The following ANO2 variants were observed in gnomAD, a reference collection of about 807,000 sequenced individuals.
ANO2 encodes the protein anoctamin 2.
ANO2 carries 101 observed loss-of-function variants against 124.2 expected under a neutral mutation model. The ratio of observed to expected loss-of-function variants is 0.81; its 90% CI spans 0.69 to 0.96. ANO2 has a LOEUF of 0.96. Ranked by LOEUF, ANO2 falls within the 40% of genes least tolerant of loss-of-function variation. The pLI is 0.00. For synonymous variants in ANO2, 486 were observed against 482.5 expected (o/e 1.01, Z -0.09); for missense variants, 1,293 against 1,274.5 (o/e 1.01, Z -0.22).
chr12:5,677,484 A>C (rs961947247), intron 14 of ANO2, among the ~76,000 whole-genome samples: 1 of 152,196 alleles, frequency 6.6e-6, no homozygotes, highest in Non-Finnish European at 1.5e-5. Context: ...GGAAGAAACA[A>C]ACTTGCAGAA....
chr12:5,631,780 C>CTGAGTGG (rs1489848142), intron 16 of ANO2, among the ~76,000 whole-genome samples: 1 of 152,108 alleles, frequency 6.6e-6, no homozygotes, highest in Non-Finnish European at 1.5e-5. Flanking sequence ...TGACCATGAG[C>CTGAGTGG]TGAGTGGGTC....
intron 14 of ANO2, among the ~76,000 whole-genome samples, chr12:5,650,426 G>A (rs567710279): frequency 4.7e-4 from 72 of 152,118 alleles, no homozygotes; most frequent in South Asian, 4.4e-3. Context: ...TCTTTTTTCT[G>A]GAAGTCACAG....
intron 14 of ANO2, among the ~76,000 whole-genome samples, chr12:5,695,304 G>A (rs986624637): frequency 3.0e-5 from 4 of 133,384 alleles, no homozygotes; most frequent in African/African-American, 5.5e-5. Flanking sequence ...GATATGGAAC[G>A]ACTGACTCAC....
chr12:5,682,066 G>GA (rs901069543), intron 14 of ANO2, among the ~76,000 whole-genome samples: 2 of 152,074 alleles, frequency 1.3e-5, no homozygotes, highest in Admixed American at 6.5e-5. Flanking sequence ...AAGGAAGAAG[G>GA]AAAAAAATGA....
At chr12:5,621,434 C>G (rs1350304169) in intron 16 of ANO2, among the ~76,000 whole-genome samples, 1 of 152,064 alleles carries the variant, frequency 6.6e-6, no homozygotes, top group Non-Finnish European at 1.5e-5. Context: ...AACCATATGA[C>G]AGGAGCAGCC....
chr12:5,761,344 C>A (rs887410959), intron 10 of ANO2, among the ~76,000 whole-genome samples: 2 of 152,158 alleles, frequency 1.3e-5, no homozygotes, highest in South Asian at 2.1e-4. Context: ...TATAAAAAGT[C>A]CTATACCCCA....
intron 3 of ANO2, among the ~76,000 whole-genome samples, chr12:5,874,149 C>G (rs1390027787): frequency 1.3e-5 from 2 of 152,164 alleles, no homozygotes; most frequent in African/African-American, 4.8e-5. Context: ...GAAAAAAGAC[C>G]AGGAGGCTGA....
chr12:5,575,746 G>A (rs1465331408), intron 23 of ANO2, 88 bp downstream of exon 23: 3 of 1,419,058 alleles, frequency 2.1e-6, no homozygotes, highest in African/African-American at 1.4e-5. Context: ...ATCATGTTGT[G>A]CAGGGTTGTA....
At chr12:5,940,418 A>G (rs1942849524) in intron 1 of ANO2, among the ~76,000 whole-genome samples, 1 of 152,218 alleles carries the variant, frequency 6.6e-6, no homozygotes, top group Non-Finnish European at 1.5e-5. Context: ...GCCACACAGA[A>G]GCCGTCCAAG....
At chr12:5,578,162 C>G (rs549890100) in intron 21 of ANO2, among the ~76,000 whole-genome samples, 155 bp from the exon 22 acceptor site, 1 of 152,328 alleles carries the variant, frequency 6.6e-6, no homozygotes, top group South Asian at 2.1e-4. Flanking sequence ...AGGTAGCCCC[C>G]CCATCTGGAA....
rs986979353 is a variant in ANO2, at chr12:5,809,399, C to T, written c.893-2031G>A. On this transcript the variant is annotated intron_variant, in intron 7 of 24. Coordinates refer to ENST00000682330, the MANE Select transcript of ANO2 (RefSeq NM_001364791.2). ...CAGGCGGGTAAGGCCCCAGCTAGAC[C>T]GCACCCCAGAACCTACCCAACCCAA... Among the ~76,000 whole-genome samples, 6 of 152,178 alleles carry T rather than the reference C, an allele frequency of 3.9e-5. No individual in the cohort carries two copies. The East Asian group carries it at 5.8e-4, about 15-fold the overall frequency.
intron 9 of ANO2, among the ~76,000 whole-genome samples, chr12:5,803,609 CA>C (rs1953108961): frequency 1.3e-5 from 2 of 152,124 alleles, no homozygotes; most frequent in Non-Finnish European, 2.9e-5. Context: ...ATTTCCAGGA[CA>C]CTAGGCAGCT....
intron 7 of ANO2, among the ~76,000 whole-genome samples, chr12:5,814,210 T>C (rs1019431955): frequency 1.3e-5 from 2 of 152,242 alleles, no homozygotes; most frequent in Non-Finnish European, 2.9e-5. Context: ...AGCTCTACTA[T>C]TGTTAATTCC....
chr12:5,643,359 T>G (rs554618121), intron 15 of ANO2, among the ~76,000 whole-genome samples: 36 of 152,370 alleles, frequency 2.4e-4, no homozygotes, highest in Non-Finnish European at 3.5e-4. Context: ...TTTTCACCCT[T>G]GATGTTATAC....
Position 5,612,739 on chromosome 12 carries a change from A to C in ANO2, c.2004T>G (p.Cys668Trp). Residue 668 changes from cysteine to tryptophan, a missense_variant, in exon 19 of 25, where the codon TGT (cysteine) becomes TGG (tryptophan). By Grantham distance (215) the Cys-to-Trp change is radical. Transcript: ENST00000682330. ...TGAGCTGAATGCAGAGCTCCATGAG[A>C]CAGCCCCCTGGAGCACACTGCAGGG... ...YRMEECAPGG[C>W]LMELCIQLSI... 6.2e-7 allele frequency: 1 copy of C among 1,613,858 alleles called. No homozygotes were observed. The highest frequency in any genetic ancestry group is 8.5e-7 in the Non-Finnish European group (1 of 1,179,816).
intron 14 of ANO2, among the ~76,000 whole-genome samples, chr12:5,703,254 A>G (rs943528845): frequency 2.0e-5 from 3 of 152,264 alleles, no homozygotes; most frequent in Non-Finnish European, 4.4e-5. Flanking sequence ...TATGTATAGT[A>G]TAATACAATT....
At chr12:5,619,833 C>T (rs533543601) in intron 16 of ANO2, among the ~76,000 whole-genome samples, 2 of 152,346 alleles carry the variant, frequency 1.3e-5, no homozygotes, top group Non-Finnish European at 2.9e-5. Context: ...CGTGCTGAAA[C>T]TGAACTACTG....
chr12:5,660,105 T>C (rs1245854461), intron 14 of ANO2, among the ~76,000 whole-genome samples: 16 of 152,178 alleles, frequency 1.1e-4, no homozygotes. Context: ...CTTACAATTT[T>C]TCGACTTTAC....
chr12:5,933,014 C>A (rs1942491221), intron 1 of ANO2, among the ~76,000 whole-genome samples: 1 of 152,192 alleles, frequency 6.6e-6, no homozygotes, highest in South Asian at 2.1e-4. Context: ...GAGATTATGG[C>A]CCTCCTGAGA....
Sources: allele counts gnomAD v4.1 joint callset (sites outside exome capture counted in the v4.1 genomes callset), GRCh38; gene constraint gnomAD v4.1.1; transcripts MANE v1.5; gene names NCBI Gene and HGNC (gene_info 2026-07-23, HGNC 2026-07-21).